SETD4: variants seen among roughly 807,000 people sequenced by gnomAD.
The protein encoded by SETD4 is SET domain containing 4, also known as SET domain-containing protein 4.
A neutral mutation model predicts 58.3 loss-of-function variants in SETD4; 46 were observed. The observed-to-expected ratio is 0.79, with a 90% CI of 0.62 to 1.01. The LOEUF (loss-of-function observed/expected upper bound fraction) is 1.01. SETD4 is among the 50% of genes least tolerant of loss of function. The probability of loss-of-function intolerance (pLI) is 0.00; values close to 1 mark genes in which losing one functional copy is unlikely to be tolerated. For synonymous variants in SETD4, 190 were observed against 202.6 expected, an observed-to-expected ratio of 0.94 and a Z score of 0.53; for missense variants, 490 against 523.3, an observed-to-expected ratio of 0.94 and a Z score of 0.62.
intron 4 of SETD4, among the ~76,000 whole-genome samples, chr21:36,049,158 A>G (rs1568926327): frequency 6.6e-6 from 1 of 152,216 alleles, no homozygotes; most frequent in Non-Finnish European, 1.5e-5. Context: ...ATGGAAAGAA[A>G]AATTAGATGT....
At chr21:36,047,834 CAAAAAAAAAA>C (rs34827028) in intron 5 of SETD4, among the ~76,000 whole-genome samples, 5 of 70,908 alleles carry the variant, frequency 7.1e-5, no homozygotes, top group South Asian at 1.0e-3. Flanking sequence ...ACTAAAAATA[CAAAAAAAAAA>C]AAAAAAAAAA....
chr21:36,036,736 TTTTGCCTTTTAA>T, intron 10 of SETD4: 1 of 640,238 alleles, frequency 1.6e-6, no homozygotes, highest in Non-Finnish European at 1.9e-6. Flanking sequence ...AACTTTTACT[TTTTGCCTTTTAA>T]TAAAAAGTAA....
At chr21:36,042,013 A>G in intron 7 of SETD4, 125 bp from the exon 8 acceptor site, 1 of 546,688 alleles carries the variant, frequency 1.8e-6, no homozygotes, top group South Asian at 2.1e-5. Flanking sequence ...GTTCCACCTA[A>G]TTCACACAAA....
chr21:36,058,298 CA>C (rs2065087749), intron 2 of SETD4, among the ~76,000 whole-genome samples: 1 of 152,026 alleles, frequency 6.6e-6, no homozygotes, highest in Non-Finnish European at 1.5e-5. Flanking sequence ...CCCAGGAGTT[CA>C]AGACCAGCCT....
rs140191343 is a variant in SETD4, at chr21:36,040,760, G to A, written c.984-105C>T. 2,379 of 999,930 alleles carry A rather than the reference G, an allele frequency of 2.4e-3. 28 individuals carry two copies. The East Asian group carries it at 0.034, about 14-fold the overall frequency. The allele number at this position is 999,930 out of a possible 1,614,324, so 61.9% of individuals were successfully genotyped here. On this transcript the variant is annotated intron_variant, in intron 8 of 11. Transcript: ENST00000332131. ...CACCTTTTTAAAGAGGTTGCTAAATGTCATGTAACCTGCAACCTCGGCCAA... is the reference window on the plus strand; with the variant it reads ...CACCTTTTTAAAGAGGTTGCTAAATATCATGTAACCTGCAACCTCGGCCAA...
chr21:36,040,086 G>C (rs2063973856), intron 9 of SETD4, among the ~76,000 whole-genome samples: 1 of 152,040 alleles, frequency 6.6e-6, no homozygotes, highest in Non-Finnish European at 1.5e-5. Flanking sequence ...CAGCAGGCAG[G>C]AACATGAGGG....
At chr21:36,057,070 G>A (rs759697845) in intron 3 of SETD4, 39 bp downstream of exon 3, 35 of 1,540,352 alleles carry the variant, frequency 2.3e-5, no homozygotes, top group South Asian at 3.3e-5. Context: ...CCTGGCTCTC[G>A]TGTGGGAAAG....
intron 2 of SETD4, 194 bp from the exon 3 acceptor site, chr21:36,057,398 C>T (rs2065042021): frequency 2.8e-6 from 2 of 718,660 alleles, no homozygotes; most frequent in Non-Finnish European, 5.2e-6. Context: ...GTATTCCCAG[C>T]ATTTGGGAGG....
rs2064181854 is a variant in SETD4, at chr21:36,043,928, T to C, written c.755A>G (p.His252Arg). The change falls in exon 7 of 12, where the codon CAT becomes CGT. Residue 252 changes from histidine to arginine, a missense_variant. Coordinates refer to ENST00000332131, the MANE Select transcript of SETD4 (RefSeq NM_017438.5). ...QVKAAFNEET[H>R]SYEIRTTSRW... ...TGAAGTCGTTCTAATTTCGTAAGAATGAGTTTCTTCATTAAACGCTGCTTT... is the reference window on the plus strand; with the variant it reads ...TGAAGTCGTTCTAATTTCGTAAGAACGAGTTTCTTCATTAAACGCTGCTTT... 6.2e-7 allele frequency: 1 copy of C among 1,614,240 alleles called. No homozygotes were observed.
At chr21:36,053,487 G>GT (rs1203977626) in intron 4 of SETD4, 96 bp downstream of exon 4, 2 of 1,170,474 alleles carry the variant, frequency 1.7e-6, no homozygotes, top group East Asian at 2.3e-5. Flanking sequence ...AGAAATGACT[G>GT]TATGTCTGAA....
In SETD4 at chr21:36,043,901, C is replaced by A. The variant is rs113414941; in HGVS notation, c.782G>T (p.Arg261Leu). The change falls in exon 7 of 12, where the codon CGT (arginine) becomes CTT (leucine). Residue 261 changes from arginine (R) to leucine (L), a missense_variant. Arg to Leu is a moderately radical substitution (Grantham distance 102, BLOSUM62 -2). Transcript: ENST00000332131. ...GAATACCTCTTCATGCTTTCTCCAACGTGAAGTCGTTCTAATTTCGTAAGA... is the reference window on the plus strand; with the variant it reads ...GAATACCTCTTCATGCTTTCTCCAAAGTGAAGTCGTTCTAATTTCGTAAGA... ...THSYEIRTTS[R>L]WRKHEEVFIC... 1.1e-5 allele frequency: 18 copies of A among 1,614,204 alleles called. No individual in the cohort carries two copies. The highest frequency in any genetic ancestry group is 6.7e-5 in the African/African-American group (5 of 75,048).
intron 6 of SETD4, 43 bp from the exon 7 acceptor site, chr21:36,043,999 A>G: frequency 6.3e-7 from 1 of 1,594,382 alleles, no homozygotes; most frequent in Non-Finnish European, 8.6e-7. Flanking sequence ...AGTAAGGTGT[A>G]AAACTCCAAA....
intron 6 of SETD4, 81 bp downstream of exon 6, chr21:36,045,501 C>A: frequency 6.6e-7 from 1 of 1,518,066 alleles, no homozygotes; most frequent in African/African-American, 1.4e-5. Context: ...TGTGGTGCCA[C>A]CCACATCTAC....
chr21:36,059,577 A>G (rs972585854), intron 1 of SETD4: 1 of 244,394 alleles, frequency 4.1e-6, no homozygotes, highest in African/African-American at 2.3e-5. Context: ...AATACCAGCT[A>G]CTGGGGAGGC....
chr21:36,058,762 G>GCAAT, intron 2 of SETD4, 54 bp downstream of exon 2: 1 of 1,526,642 alleles, frequency 6.6e-7, no homozygotes, highest in Non-Finnish European at 8.8e-7. Context: ...GAACAAACAA[G>GCAAT]CAATCACAAA....
chr21:36,038,026 CATTT>C lies in SETD4; in HGVS notation c.1188+120_1188+123del, dbSNP rs1318263037. ...AAAACAAAAATAGAGATTACATCAA[CATTT>C]ATTTATTTAAGGCACTAAACAATGC... is the stretch of plus-strand genomic sequence containing the variant. On this transcript the variant is annotated intron_variant, in intron 10 of 11. Coordinates refer to ENST00000332131, the MANE Select transcript of SETD4 (RefSeq NM_017438.5). 5.3e-6 allele frequency: 6 copies of C among 1,135,688 alleles called. No individual in the cohort carries two copies. In the East Asian group the frequency reaches 8.0e-5, roughly 15 times the overall value. The allele number at this position is 1,135,688 out of a possible 1,614,324, so 70.4% of individuals were successfully genotyped here. A position where few individuals can be genotyped will look rare whatever the true frequency, so the allele number is the denominator to read the frequency against.
chr21:36,059,728 C>A (rs2065191705), intron 1 of SETD4: 1 of 981,210 alleles, frequency 1.0e-6, no homozygotes, highest in Non-Finnish European at 1.2e-6. Flanking sequence ...AATAAATCTA[C>A]TTCTAAAACA....
Position 36,057,131 on chromosome 21 carries a change from GTTTGAATC to G in SETD4, c.139_146del (p.Asp47LeufsTer30). On this transcript the variant is annotated frameshift_variant, in exon 3 of 12. Transcript: ENST00000332131. LOFTEE classifies it high-confidence loss of function. The stretch of plus-strand genomic sequence containing the variant: ...TACCTGGAAAACAAGCAGGCGCTAA[GTTTGAATC>G]TTGAAACTTCCTAGCTTTCAGCCAC... 1.2e-6 allele frequency: 2 copies of G among 1,614,156 alleles called. No individual in the cohort carries two copies. Among genetic ancestry groups the G allele is most frequent in the Non-Finnish European group, 1.7e-6 (2 of 1,179,982 alleles).
intron 4 of SETD4, among the ~76,000 whole-genome samples, chr21:36,051,932 T>TA (rs1016274458): frequency 2.6e-5 from 4 of 152,172 alleles, no homozygotes; most frequent in African/African-American, 9.6e-5. Context: ...GTTTTTCGTT[T>TA]TTTCCCTCTT....
Sources: gnomAD v4.1 joint callset for allele counts (sites outside exome capture counted in the v4.1 genomes callset) on GRCh38, gnomAD v4.1.1 for gene constraint, MANE v1.5 for transcripts, NCBI Gene and HGNC (gene_info 2026-07-23, HGNC 2026-07-21) for gene names.